LMF1: variants seen among roughly 807,000 people sequenced by gnomAD.
LMF1 encodes transmembrane protein 112.
A neutral mutation model predicts 60.6 loss-of-function variants in LMF1; 68 were observed. That is an observed-to-expected ratio of 1.12 (90% CI 0.92 to 1.37). LMF1 has a LOEUF of 1.37. Among genes scored for constraint, LMF1 ranks in the 40% most tolerant of loss-of-function variants. The probability of loss-of-function intolerance (pLI) is 0.00; values close to 1 mark genes in which losing one functional copy is unlikely to be tolerated. For synonymous variants in LMF1, 418 were observed against 324.7 expected, an observed-to-expected ratio of 1.29 and a Z score of -3.09; for missense variants, 948 against 767.2, an observed-to-expected ratio of 1.24 and a Z score of -2.78.
intron 5 of LMF1, among the ~76,000 whole-genome samples, chr16:886,349 G>A (rs2070305876): frequency 6.6e-6 from 1 of 152,132 alleles, no homozygotes; most frequent in Non-Finnish European, 1.5e-5. Flanking sequence ...CTTGTCCCTG[G>A]CAAGAGGACC....
chr16:954,276 T>G, intron 2 of LMF1, 81 bp downstream of exon 2: 1 of 1,380,648 alleles, frequency 7.2e-7, no homozygotes, highest in Non-Finnish European at 1.0e-6. Context: ...GTCCAGTCTT[T>G]CCAAGTGCCA....
At chr16:910,749 T>A (rs1015116660) in intron 4 of LMF1, among the ~76,000 whole-genome samples, 182 bp downstream of exon 4, 2 of 151,908 alleles carry the variant, frequency 1.3e-5, no homozygotes, top group Admixed American at 6.5e-5. Context: ...AGCCAGCCGG[T>A]CCCCAGCATT....
rs2070068343 is a variant in LMF1, at chr16:878,711, T to C, written c.897+859A>G. On this transcript the variant is annotated intron_variant, in intron 6 of 10. Coordinates refer to ENST00000262301, the MANE Select transcript of LMF1 (RefSeq NM_022773.4). This position sits in a 1 kb window ranked among gnomAD's most constrained non-coding sequence, Gnocchi z 5.2. ...GGAGCTTTGCCCCTCTAGGCGGCGG[T>C]GCTCTGGCAGGGGTGGGCAGGGCAG... is the stretch of plus-strand genomic sequence containing the variant. 1.0e-5 allele frequency among the ~76,000 whole-genome samples: 1 copy of C among 98,982 alleles called. No individual in the cohort carries two copies. The highest frequency in any genetic ancestry group is 4.9e-5 in the African/African-American group (1 of 20,218). The allele number at this position is 98,982 out of a possible 152,430, so 64.9% of individuals were successfully genotyped here.
At chr16:906,047 G>A (rs945315229) in intron 4 of LMF1, among the ~76,000 whole-genome samples, 6 of 152,144 alleles carry the variant, frequency 3.9e-5, no homozygotes, top group African/African-American at 7.2e-5. Flanking sequence ...TCAAATTAAC[G>A]TTTGTGTGTG....
intron 3 of LMF1, among the ~76,000 whole-genome samples, chr16:925,328 G>C (rs922914706): frequency 6.6e-6 from 1 of 152,220 alleles, no homozygotes; most frequent in East Asian, 1.9e-4. Context: ...ATTCTGCATA[G>C]TAAAGAGAAT....
upstream of LMF1, among the ~76,000 whole-genome samples, chr16:973,965 G>A (rs1402112414): frequency 1.3e-5 from 2 of 150,544 alleles, no homozygotes; most frequent in East Asian, 2.0e-4. Context: ...AGCCGAGATC[G>A]TGCCACTGCC....
intron 1 of LMF1, chr16:979,375 C>T (rs1360744666): frequency 2.8e-6 from 1 of 353,636 alleles, no homozygotes; most frequent in African/African-American, 2.1e-5. Context: ...TGGCCTAGGC[C>T]CCCACCACCC....
intron 3 of LMF1, among the ~76,000 whole-genome samples, chr16:924,904 A>G (rs535216752): frequency 6.6e-6 from 1 of 152,354 alleles, no homozygotes; most frequent in African/African-American, 2.4e-5. Flanking sequence ...GGAGGAAACA[A>G]GTATTGAGGC....
rs552064738 is a variant in LMF1 at position 860,322 on chromosome 16, TTTC to T, written c.1530-5619_1530-5617del. Among the ~76,000 whole-genome samples the T allele has an allele frequency of 3.8e-4, 58 of 152,028 alleles. 1 individual carries two copies. Among genetic ancestry groups the T allele is most frequent in the African/African-American group, 1.4e-3 (56 of 41,456 alleles). On this transcript the variant is annotated intron_variant, in intron 10 of 10. Transcript: ENST00000262301. ...CTGCCTGGCCCTAGATCCCAAAGAT[TTTC>T]TTCTATTTTTTCCTGAAAGTTTTTT...
At chr16:943,948 CATT>C (rs2072174670) in intron 2 of LMF1, among the ~76,000 whole-genome samples, 1 of 152,102 alleles carries the variant, frequency 6.6e-6, no homozygotes, top group Non-Finnish European at 1.5e-5. Context: ...ATCATAACAT[CATT>C]GAGAAGTTAA....
intron 3 of LMF1, chr16:933,599 G>A (rs981340320): frequency 2.0e-5 from 4 of 201,314 alleles, no homozygotes; most frequent in Admixed American, 5.3e-5. Context: ...CTCTGCCTGC[G>A]CCCTGAGGTC....
chr16:869,357 G>A (rs1468764169), intron 9 of LMF1: 1 of 631,606 alleles, frequency 1.6e-6, no homozygotes, highest in South Asian at 1.5e-5. Flanking sequence ...TTTTCTGGTG[G>A]CTGAGACGGG....
chr16:866,637 G>C (rs1008085053), intron 10 of LMF1, among the ~76,000 whole-genome samples: 3 of 152,190 alleles, frequency 2.0e-5, no homozygotes, highest in African/African-American at 7.2e-5. Flanking sequence ...GTTTGGAGGA[G>C]AGTCCAGGCT....
At chr16:926,916 C>G (rs1175803911) in intron 3 of LMF1, among the ~76,000 whole-genome samples, 3 of 152,214 alleles carry the variant, frequency 2.0e-5, no homozygotes, top group African/African-American at 4.8e-5. Flanking sequence ...TGCTGGGGTC[C>G]CTGTGGCCCA....
rs368401370 is a variant in LMF1 at position 879,657 on chromosome 16, G to A, written c.810C>T (p.Asn270=). 73 of 1,612,530 alleles carry A rather than the reference G, an allele frequency of 4.5e-5. No homozygotes were observed. In the African/African-American group the frequency reaches 8.8e-4, roughly 19 times the overall value. Residue 270 remains asparagine (N), a synonymous_variant, in exon 6 of 11, where the codon AAC becomes AAT. Coordinates refer to ENST00000262301, the MANE Select transcript of LMF1 (RefSeq NM_022773.4). ...WWFHRFETLS[N]HFIELLVPFF... The stretch of plus-strand genomic sequence containing the variant: ...AGGGCACCAGGAGCTCGATGAAGTG[G>A]TTGCTGAGCGTCTCGAAGCGATGGA...
intron 2 of LMF1, among the ~76,000 whole-genome samples, chr16:943,723 T>C (rs2072166843): frequency 2.3e-5 from 2 of 86,582 alleles, no homozygotes; most frequent in South Asian, 9.7e-4. Flanking sequence ...TGAGACTCTG[T>C]CTCAAAAAAA....
intron 7 of LMF1, 25 bp from the exon 8 acceptor site, chr16:870,907 G>C: frequency 6.3e-7 from 1 of 1,586,038 alleles, no homozygotes; most frequent in Non-Finnish European, 8.5e-7. Context: ...ACATCTTCCA[G>C]GTGGGGCTCC....
chr16:910,045 A>C (rs2071068041), intron 4 of LMF1, among the ~76,000 whole-genome samples: 1 of 152,246 alleles, frequency 6.6e-6, no homozygotes, highest in Non-Finnish European at 1.5e-5. Flanking sequence ...CAAAAACATG[A>C]AGATTTTATC....
At chr16:879,783 G>A in intron 5 of LMF1, 46 bp from the exon 6 acceptor site, 1 of 1,534,900 alleles carries the variant, frequency 6.5e-7, no homozygotes, top group Non-Finnish European at 8.8e-7. Context: ...GATCTCGGGG[G>A]GCGGGGCTAG....
Sources: allele counts gnomAD v4.1 joint callset (sites outside exome capture counted in the v4.1 genomes callset), GRCh38; gene constraint gnomAD v4.1.1; non-coding constraint Gnocchi (gnomAD v3.1); transcripts MANE v1.5; gene names NCBI Gene and HGNC (gene_info 2026-07-23, HGNC 2026-07-21).